Variants in MIOS observed in about 807,000 individuals in gnomAD.
MIOS encodes the protein GATOR2 complex protein MIOS.
Under a neutral mutation model 96.9 loss-of-function variants are expected in MIOS, and 52 were observed. That is an observed-to-expected ratio of 0.54 (90% CI 0.43 to 0.68). The LOEUF (loss-of-function observed/expected upper bound fraction) is 0.68, where lower values mean the gene tolerates loss of function less well. Ranked by LOEUF, MIOS falls within the 30% of genes least tolerant of loss-of-function variation. The pLI, the probability that MIOS is intolerant of heterozygous loss-of-function variation, is 0.00. For missense variants in MIOS, 1,005 were observed against 1,052.8 expected, an observed-to-expected ratio of 0.95 and a Z score of 0.63; for synonymous variants, 397 against 359.5, an observed-to-expected ratio of 1.10 and a Z score of -1.18.
At chr7:7,594,755 G>T (rs756942335) in intron 9 of MIOS, among the ~76,000 whole-genome samples, 103 of 151,002 alleles carry the variant, frequency 6.8e-4, no homozygotes, top group Non-Finnish European at 9.1e-4. Flanking sequence ...CCCTGGGCAG[G>T]TATGATATAT....
intron 11 of MIOS, among the ~76,000 whole-genome samples, chr7:7,598,812 C>T (rs991361610): frequency 6.6e-6 from 1 of 152,146 alleles, no homozygotes; most frequent in African/African-American, 2.4e-5. Context: ...GAAGAAAAAT[C>T]TTAAAACATT....
chr7:7,600,396 A>T (rs970556918), intron 11 of MIOS, among the ~76,000 whole-genome samples: 2 of 152,194 alleles, frequency 1.3e-5, no homozygotes, highest in Admixed American at 6.5e-5. Context: ...CAAATGGAAA[A>T]CAAAAAAAGG....
At chr7:7,601,472 A>G (rs192570366) in intron 11 of MIOS, among the ~76,000 whole-genome samples, 15,431 of 152,274 alleles carry the variant, frequency 0.1, 855 homozygotes, top group Middle Eastern at 0.23. Flanking sequence ...GAAAATCTAG[A>G]AGAAATGGAT....
chr7:7,590,219 C>T (rs894248829), intron 9 of MIOS, among the ~76,000 whole-genome samples: 1 of 152,118 alleles, frequency 6.6e-6, no homozygotes, highest in Non-Finnish European at 1.5e-5. Flanking sequence ...ATACTGTGTA[C>T]TGGGTGAACA....
At chr7:7,587,401 G>T (rs1292346903) in intron 7 of MIOS, among the ~76,000 whole-genome samples, 1 of 151,878 alleles carries the variant, frequency 6.6e-6, no homozygotes, top group African/African-American at 2.4e-5. Context: ...TTTCCAAGCT[G>T]TTTCATTTAT....
Position 7,572,494 on chromosome 7 carries a change from G to C in MIOS, c.19G>C (p.Asp7His). 6.2e-7 allele frequency: 1 copy of C among 1,613,226 alleles called. No homozygotes were observed. The highest frequency in any genetic ancestry group is 8.5e-7 in the Non-Finnish European group (1 of 1,179,358). ...AGTAAACATGAGCGGTACCAAACCT[G>C]ATATTTTATGGGCACCACACCATGT... is the stretch of plus-strand genomic sequence containing the variant. MSGTKPDILWAPHHVDR... is the reference protein window; with the variant it reads MSGTKPHILWAPHHVDR... The change falls in exon 4 of 13, where the codon GAT (aspartate) becomes CAT (histidine). Residue 7 changes from aspartate to histidine, a missense_variant. This residue lies in a region of MIOS where 137 missense variants were observed against 148.6 expected (regional missense o/e 0.92). Coordinates refer to ENST00000340080, the MANE Select transcript of MIOS (RefSeq NM_019005.4). This position sits in a 1 kb window ranked among gnomAD's most constrained non-coding sequence, Gnocchi z 4.8.
At chr7:7,602,873 T>G (rs1784420084) in intron 11 of MIOS, among the ~76,000 whole-genome samples, 3 of 151,964 alleles carry the variant, frequency 2.0e-5, no homozygotes, top group African/African-American at 7.3e-5. Flanking sequence ...AAAACAGAGA[T>G]ATAGACCAAT....
At chr7:7,598,805 G>A (rs1784289229) in intron 11 of MIOS, among the ~76,000 whole-genome samples, 1 of 151,980 alleles carries the variant, frequency 6.6e-6, no homozygotes, top group Non-Finnish European at 1.5e-5. Flanking sequence ...AGAATTTGAA[G>A]AAAAATCTTA....
intron 5 of MIOS, among the ~76,000 whole-genome samples, chr7:7,581,241 C>T (rs1783715485): frequency 7.2e-6 from 1 of 139,386 alleles, no homozygotes; most frequent in African/African-American, 2.5e-5. Context: ...GCGGAGGTTG[C>T]AGTGAGCTGA....
chr7:7,601,751 C>G (rs1290996813), intron 11 of MIOS, among the ~76,000 whole-genome samples: 2 of 152,138 alleles, frequency 1.3e-5, no homozygotes, highest in African/African-American at 4.8e-5. Context: ...ATACCAAAGA[C>G]TGGCAGAGAC....
intron 6 of MIOS, among the ~76,000 whole-genome samples, chr7:7,583,961 C>T (rs958409909): frequency 2.6e-5 from 4 of 151,974 alleles, no homozygotes; most frequent in Admixed American, 6.6e-5. Context: ...AGAGGATCCT[C>T]GGAAAAACAA....
chr7:7,578,917 G>A (rs1379159641), intron 5 of MIOS, among the ~76,000 whole-genome samples: 1 of 152,066 alleles, frequency 6.6e-6, no homozygotes, highest in Non-Finnish European at 1.5e-5. Flanking sequence ...TGCCACATTG[G>A]CCAGGCTGGT....
rs372634070 is a variant in MIOS at position 7,597,517 on chromosome 7, T to TATATATATATATATATAAAA, written c.2401+1056_2401+1057insATATATATATATATATAAAA. On this transcript the variant is annotated intron_variant, in intron 11 of 12. Transcript: ENST00000340080. ...ATATATATATATATATATATATATATGAAGGCAATACGTAATGTTTTAAAT... is the reference window on the plus strand; with the variant it reads ...ATATATATATATATATATATATATATATATATATATATATATAAAAGAAGGCAATACGTAATGTTTTAAAT... Among the ~76,000 whole-genome samples the TATATATATATATATATAAAA allele has an allele frequency of 1.2e-3, 88 of 70,442 alleles. 26 individuals are homozygous for TATATATATATATATATAAAA. Among genetic ancestry groups the TATATATATATATATATAAAA allele is most frequent in the South Asian group, 2.3e-3 (5 of 2,194 alleles). The allele number at this position is 70,442 out of a possible 152,430, so 46.2% of individuals were successfully genotyped here.
In MIOS at chr7:7,573,017, T is replaced by C; in HGVS notation, c.542T>C (p.Leu181Ser). The C allele has an allele frequency of 6.2e-7, 1 of 1,614,068 alleles. No individual in the cohort carries two copies. The highest frequency in any genetic ancestry group is 8.5e-7 in the Non-Finnish European group (1 of 1,179,966). ...TTAGTAACAAAACCACTTTATGAGT[T>C]AGGACAGAATGATGCTTGTCTGTCT... ...TLLVTKPLYELGQNDACLSLC... is the reference protein window; with the variant it reads ...TLLVTKPLYESGQNDACLSLC... The change falls in exon 4 of 13, where the codon TTA becomes TCA. Residue 181 changes from leucine (L) to serine (S), a missense_variant. Coordinates refer to ENST00000340080, the MANE Select transcript of MIOS (RefSeq NM_019005.4). The surrounding 1 kb of genome is among the most constrained non-coding windows in gnomAD (Gnocchi z 5.0).
At chr7:7,579,337 C>T (rs1286293364) in intron 5 of MIOS, among the ~76,000 whole-genome samples, 1 of 152,166 alleles carries the variant, frequency 6.6e-6, no homozygotes, top group Admixed American at 6.5e-5. Context: ...ACATGCAGGA[C>T]ATATTAATAT....
Position 7,597,514 on chromosome 7 carries a change from ATATG to A in MIOS, c.2401+1054_2401+1057del, listed in dbSNP as rs1784249055. The stretch of plus-strand genomic sequence containing the variant: ...TATATATATATATATATATATATAT[ATATG>A]AAGGCAATACGTAATGTTTTAAATG... On this transcript the variant is annotated intron_variant, in intron 11 of 12. Coordinates refer to ENST00000340080, the MANE Select transcript of MIOS (RefSeq NM_019005.4). 1.8e-4 allele frequency among the ~76,000 whole-genome samples: 9 copies of A among 49,572 alleles called. 2 individuals carry two copies. Among genetic ancestry groups the A allele is most frequent in the Admixed American group, 6.3e-4 (3 of 4,750 alleles). 32.5% of individuals were successfully genotyped at this position (49,572 alleles called of 152,430 possible). A position where few individuals can be genotyped will look rare whatever the true frequency, so the allele number is the denominator to read the frequency against.
At position 7,576,390 on chromosome 7, in the gene MIOS, T is replaced by C. The variant is rs567172581; in HGVS notation, c.1393+2194T>C. On this transcript the variant is annotated intron_variant, in intron 5 of 12. Coordinates refer to ENST00000340080, the MANE Select transcript of MIOS (RefSeq NM_019005.4). ...TAGTTTAGAATATAGACAAGTAAGC[T>C]GGCAGTTATAACATAGGGAAGAACA... is the stretch of plus-strand genomic sequence containing the variant. 2.0e-5 allele frequency among the ~76,000 whole-genome samples: 3 copies of C among 152,298 alleles called. No homozygotes were observed. The East Asian group carries it at 5.8e-4, about 29-fold the overall frequency.
At chr7:7,594,200 A>T (rs1478770777) in intron 9 of MIOS, among the ~76,000 whole-genome samples, 1 of 152,180 alleles carries the variant, frequency 6.6e-6, no homozygotes, top group Admixed American at 6.5e-5. Context: ...TAACTTACAG[A>T]TAAGTAGATA....
chr7:7,592,821 A>G (rs1174158012), intron 9 of MIOS, among the ~76,000 whole-genome samples: 1 of 152,168 alleles, frequency 6.6e-6, no homozygotes, highest in Non-Finnish European at 1.5e-5. Context: ...AGCTTTGCTT[A>G]TTGCCCTGTC....
Sources: gnomAD v4.1 joint callset for allele counts (sites outside exome capture counted in the v4.1 genomes callset) on GRCh38, gnomAD v4.1.1 for gene constraint, gnomAD v4.1.1 regional missense constraint, Gnocchi (gnomAD v3.1) non-coding constraint, MANE v1.5 for transcripts, NCBI Gene and HGNC (gene_info 2026-07-23, HGNC 2026-07-21) for gene names.